Variants in AMPD2 observed in about 807,000 individuals in gnomAD.
AMPD2 encodes AMP deaminase 2.
A neutral mutation model predicts 91.3 loss-of-function variants in AMPD2; 52 were observed. The ratio of observed to expected loss-of-function variants is 0.57; its 90% CI spans 0.46 to 0.72. The LOEUF (loss-of-function observed/expected upper bound fraction) is 0.72. AMPD2 is among the 30% of genes least tolerant of loss of function. The pLI, the probability that AMPD2 is intolerant of heterozygous loss-of-function variation, is 0.00. For synonymous variants in AMPD2, 455 were observed against 456.4 expected, an observed-to-expected ratio of 1.00 and a Z score of 0.04; for missense variants, 822 against 1,122.3, an observed-to-expected ratio of 0.73 and a Z score of 3.82.
In AMPD2 at chr1:109,631,044, C is replaced by G; in HGVS notation, c.2370C>G (p.Tyr790Ter). The change falls in exon 19 of 19, where the codon TAC becomes TAG. Residue 790 changes from tyrosine (Y) to a stop codon, truncating the protein, a stop_gained. Transcript: ENST00000528667. LOFTEE classifies it high-confidence loss of function. ...NVPDIRVGYR[Y>*]ETLCQELALI... Reference sequence around the variant, plus strand: ...CAGACATCCGCGTGGGCTACCGCTACGAGACCCTGTGCCAGGAGCTGGCGC... The same window carrying G: ...CAGACATCCGCGTGGGCTACCGCTAGGAGACCCTGTGCCAGGAGCTGGCGC... 6.2e-7 allele frequency: 1 copy of G among 1,614,178 alleles called. No individual in the cohort carries two copies. Among genetic ancestry groups the G allele is most frequent in the Non-Finnish European group, 8.5e-7 (1 of 1,180,034 alleles).
chr1:109,630,477 GC>G, intron 17 of AMPD2, 71 bp downstream of exon 17: 1 of 1,325,414 alleles, frequency 7.5e-7, no homozygotes, highest in Non-Finnish European at 1.0e-6. Flanking sequence ...TGGGTGGGGG[GC>G]GGTGGGGGGG....
rs752607637 is a variant in AMPD2, at chr1:109,630,753, T to G, written c.2228T>G (p.Leu743Arg). Residue 743 changes from leucine to arginine, a missense_variant, in exon 18 of 19, where the codon CTG becomes CGG. Coordinates refer to ENST00000528667, the MANE Select transcript of AMPD2 (RefSeq NM_001368809.2). ...WKLSSCDMCE[L>R]ARNSVLMSGF... ...CTCAGCTCCTGCGATATGTGTGAGC[T>G]GGCCCGCAACAGCGTGCTCATGAGC... 1 of 1,611,960 alleles carries G rather than the reference T, an allele frequency of 6.2e-7. No individual in the cohort carries two copies. The highest frequency in any genetic ancestry group is 1.7e-5 in the Admixed American group (1 of 59,838).
In AMPD2 at chr1:109,626,834, C is replaced by T. The variant is rs537803992; in HGVS notation, c.640C>T (p.Arg214Cys). ...SLQSFCPTTR[R>C]YLQQLAEKPL... ...GCAGAGCTTCTGCCCCACCACCCGC[C>T]GCTACCTGCAGCAGCTGGCTGAAAA... Residue 214 changes from arginine (R) to cysteine (C), a missense_variant, in exon 7 of 19, where the codon CGC becomes TGC. Physicochemically the swap from Arg to Cys is radical, Grantham distance 180. Around this residue, in one of 5 missense-constraint regions of AMPD2, gnomAD observed 240 missense variants for 270.3 expected, o/e 0.89. Transcript: ENST00000528667. 17 of 1,613,866 alleles carry T rather than the reference C, an allele frequency of 1.1e-5. No homozygotes were observed. The highest frequency in any genetic ancestry group is 4.0e-5 in the African/African-American group (3 of 75,016).
chr1:109,631,332 T>C lies in AMPD2; in HGVS notation c.*180T>C, dbSNP rs1651254695. The C allele has an allele frequency of 5.8e-6, 4 of 687,256 alleles. No individual in the cohort carries two copies. In the Admixed American group the frequency reaches 7.8e-5, roughly 13 times the overall value. The allele number at this position is 687,256 out of a possible 1,614,324, so 42.6% of individuals were successfully genotyped here. On this transcript the variant is annotated 3_prime_UTR_variant, in exon 19 of 19. Transcript: ENST00000528667. ...AAAGCAAAGCCTGGGAATCTGCTCA[T>C]TGTTGTTTGGGCTCAGGTATTGAGC...
Position 109,620,020 on chromosome 1 carries a change from A to T in AMPD2, c.-521A>T. The T allele has an allele frequency of 1.9e-6, 1 of 538,252 alleles. No homozygotes were observed. Among genetic ancestry groups the T allele is most frequent in the Non-Finnish European group, 3.4e-6 (1 of 295,898 alleles). 33.3% of individuals were successfully genotyped at this position (538,252 alleles called of 1,614,324 possible). On this transcript the variant is annotated 5_prime_UTR_variant, in exon 1 of 19. Transcript: ENST00000528667. Reference sequence around the variant, plus strand: ...CGTGGCCTACCAGCCTCTCGATTGCAGGGTTGGGTGGTCGCGACACCGGGG... The same window carrying T: ...CGTGGCCTACCAGCCTCTCGATTGCTGGGTTGGGTGGTCGCGACACCGGGG...
chr1:109,630,468 G>A (rs1570596370), intron 17 of AMPD2, 62 bp downstream of exon 17: 1 of 1,522,160 alleles, frequency 6.6e-7, no homozygotes, highest in Non-Finnish European at 9.0e-7. Flanking sequence ...CTCCCGGGTT[G>A]GGTGGGGGGC....
At position 109,625,363 on chromosome 1, in the gene AMPD2, C is replaced by T; in HGVS notation, c.152C>T (p.Ala51Val). 4 of 1,613,806 alleles carry T rather than the reference C, an allele frequency of 2.5e-6. No individual in the cohort carries two copies. The highest frequency in any genetic ancestry group is 2.5e-6 in the Non-Finnish European group (3 of 1,179,972). The change falls in exon 3 of 19, where the codon GCC becomes GTC. Residue 51 changes from alanine to valine, a missense_variant. This residue lies in a region of AMPD2 where 105 missense variants were observed against 125.0 expected (regional missense o/e 0.84). Coordinates refer to ENST00000528667, the MANE Select transcript of AMPD2 (RefSeq NM_001368809.2). The surrounding 1 kb of genome is among the most constrained non-coding windows in gnomAD (Gnocchi z 4.0). ...LQSARSLPGP[A>V]PCLKHFPLDL... ...TCTGCCCGATCCCTGCCGGGCCCCG[C>T]CCCCTGCCTCAAGCACTTCCCGCTC...
intron 8 of AMPD2, 41 bp from the exon 9 acceptor site, chr1:109,627,388 G>A (rs375762603): frequency 1.4e-5 from 23 of 1,613,824 alleles, no homozygotes; most frequent in African/African-American, 2.7e-5. Context: ...AGGCCACAGG[G>A]CTCGGCTTGC....
chr1:109,622,032 G>C (rs1046877500), intron 2 of AMPD2, among the ~76,000 whole-genome samples: 4 of 152,238 alleles, frequency 2.6e-5, no homozygotes, highest in Non-Finnish European at 5.9e-5. Context: ...CTTGCAGAGG[G>C]ATATCTGCCT....
In AMPD2 at chr1:109,627,176, T is replaced by C. The variant is rs983235438; in HGVS notation, c.720T>C (p.Asp240=). ...ACTTTACCCTCCTCACCCCTGCAGA[T>C]GCCCCGGTGCACCCCCCTGCGCTGG... ...EQGPDTPVSA[D]APVHPPALEQ... is the part of the protein sequence containing the mutation. The change falls in exon 8 of 19, where the codon GAT becomes GAC. Residue 240 remains aspartate (D), a splice_region_variant and synonymous_variant. Coordinates refer to ENST00000528667, the MANE Select transcript of AMPD2 (RefSeq NM_001368809.2). 6.2e-6 allele frequency: 10 copies of C among 1,612,792 alleles called. No homozygotes were observed. The African/African-American group carries it at 1.1e-4, about 17-fold the overall frequency.
intron 16 of AMPD2, 121 bp from the exon 17 acceptor site, chr1:109,630,112 T>C: frequency 7.4e-7 from 1 of 1,357,764 alleles, no homozygotes; most frequent in Non-Finnish European, 1.0e-6. Flanking sequence ...CCTTTGCACA[T>C]CAGGCCAAGC....
In AMPD2 at chr1:109,620,107, T is replaced by G; in HGVS notation, c.-434T>G. 1 of 1,034,574 alleles carries G rather than the reference T, an allele frequency of 9.7e-7. No individual in the cohort carries two copies. The highest frequency in any genetic ancestry group is 1.5e-6 in the Non-Finnish European group (1 of 688,476). 64.1% of individuals were successfully genotyped at this position (1,034,574 alleles called of 1,614,324 possible). ...GAGTCCACCTCCGGCCAGCTGGCAATTTTGAAAGACTGCCTTACTTTCCCC... is the reference window on the plus strand; with the variant it reads ...GAGTCCACCTCCGGCCAGCTGGCAAGTTTGAAAGACTGCCTTACTTTCCCC... On this transcript the variant is annotated 5_prime_UTR_variant, in exon 1 of 19. Transcript: ENST00000528667.
Position 109,626,309 on chromosome 1 carries a change from C to A in AMPD2, c.423-10C>A. On this transcript the variant is annotated splice_polypyrimidine_tract_variant and intron_variant, in intron 5 of 18. Coordinates refer to ENST00000528667, the MANE Select transcript of AMPD2 (RefSeq NM_001368809.2). ...GCTCTAAACCCCTCCCTTGAATGCACCCCCTGCAGGCTCTACAAGGAACAG... is the reference window on the plus strand; with the variant it reads ...GCTCTAAACCCCTCCCTTGAATGCAACCCCTGCAGGCTCTACAAGGAACAG... The A allele has an allele frequency of 3.1e-6, 5 of 1,613,648 alleles. No homozygotes were observed. Among genetic ancestry groups the A allele is most frequent in the Non-Finnish European group, 4.2e-6 (5 of 1,179,686 alleles).
rs1650180620 is a variant in AMPD2 at position 109,620,769 on chromosome 1, GAAGGA to G, written c.-262-144_-262-140del. 3.1e-6 allele frequency: 4 copies of G among 1,285,466 alleles called. No homozygotes were observed. The Admixed American group carries it at 1.1e-4, about 36-fold the overall frequency. 79.6% of individuals were successfully genotyped at this position (1,285,466 alleles called of 1,614,324 possible). On this transcript the variant is annotated intron_variant, in intron 1 of 18. Coordinates refer to ENST00000528667, the MANE Select transcript of AMPD2 (RefSeq NM_001368809.2). ...ATTCTTTTTTCTTCCAGGCTAGCTG[GAAGGA>G]CCAGCTAGCCTGGACTTTGGCTTCT... is the stretch of plus-strand genomic sequence containing the variant.
intron 2 of AMPD2, 180 bp downstream of exon 2, chr1:109,621,446 C>CG (rs1207447286): frequency 1.5e-4 from 20 of 133,846 alleles, no homozygotes; most frequent in South Asian, 4.4e-4. Context: ...TGGTGGGGGG[C>CG]GGGGGGTGGA....
In AMPD2 at chr1:109,625,453, G is replaced by T. The variant is rs753406095; in HGVS notation, c.222+20G>T. 3.7e-6 allele frequency: 6 copies of T among 1,613,642 alleles called. No individual in the cohort carries two copies. The Admixed American group carries it at 6.7e-5, about 18-fold the overall frequency. ...GCCGAGGTATCACCTGGCACCACCC[G>T]CACCCTCACCCCGTGTCTCCATGCC... On this transcript the variant is annotated intron_variant, in intron 3 of 18. Transcript: ENST00000528667. This position sits in a 1 kb window ranked among gnomAD's most constrained non-coding sequence, Gnocchi z 4.0.
chr1:109,629,083 A>C lies in AMPD2; in HGVS notation c.1572-26A>C, dbSNP rs523786. On this transcript the variant is annotated intron_variant, in intron 13 of 18. Transcript: ENST00000528667. ...TCCTCCCACTGGCCCTGACTTGCAC[A>C]TACCTGCATGTTGTCTCACCTGCAG... 1,106,983 of 1,610,108 alleles carry C rather than the reference A, an allele frequency of 0.69. 386,212 individuals are homozygous for C. Among genetic ancestry groups the C allele is most frequent in the East Asian group, 0.99 (44,214 of 44,810 alleles).
At chr1:109,630,658 G>T in intron 17 of AMPD2, 25 bp from the exon 18 acceptor site, 1 of 1,599,990 alleles carries the variant, frequency 6.3e-7, no homozygotes, top group Non-Finnish European at 8.5e-7. Flanking sequence ...GGGCGCACTC[G>T]TCTGAGGGAA....
chr1:109,630,952 C>CT lies in AMPD2; in HGVS notation c.2278_2279insT (p.His760LeufsTer13). 6.2e-7 allele frequency: 1 copy of CT among 1,614,108 alleles called. No individual in the cohort carries two copies. The highest frequency in any genetic ancestry group is 8.5e-7 in the Non-Finnish European group (1 of 1,180,034). The stretch of plus-strand genomic sequence containing the variant: ...CCCCCGCTCCTTGCAGGTAAAGAGC[C>CT]ACTGGCTGGGACCCAACTATACCAA... On this transcript the variant is annotated frameshift_variant, in exon 19 of 19. Transcript: ENST00000528667. LOFTEE classifies it high-confidence loss of function.
Sources: allele counts gnomAD v4.1 joint callset (sites outside exome capture counted in the v4.1 genomes callset), GRCh38; gene constraint gnomAD v4.1.1; regional missense constraint gnomAD v4.1.1; non-coding constraint Gnocchi (gnomAD v3.1); transcripts MANE v1.5; gene names NCBI Gene and HGNC (gene_info 2026-07-23, HGNC 2026-07-21).